Variants in GCC2 observed in about 807,000 individuals in gnomAD.
GCC2 encodes GRIP and coiled-coil domain containing 2.
GCC2 carries 120 observed loss-of-function variants against 210.6 expected under a neutral mutation model. The ratio of observed to expected loss-of-function variants is 0.57; its 90% CI spans 0.49 to 0.66. The LOEUF is 0.66. Among genes scored for constraint, GCC2 ranks in the 30% least tolerant of loss-of-function variants. The pLI is 0.00. For synonymous variants in GCC2, 703 were observed against 652.7 expected (o/e 1.08, Z -1.17); for missense variants, 1,868 against 1,871.9 (o/e 1.00, Z 0.04).
intron 4 of GCC2, among the ~76,000 whole-genome samples, chr2:108,459,889 C>T (rs145448423): frequency 0.01 from 1,538 of 151,632 alleles, 13 homozygotes; most frequent in Non-Finnish European, 0.013. Flanking sequence ...GAGATCACGC[C>T]GCTGCCAGGC....
chr2:108,504,883 C>T (rs1385500564), intron 22 of GCC2, among the ~76,000 whole-genome samples: 2 of 152,056 alleles, frequency 1.3e-5, no homozygotes, highest in Non-Finnish European at 2.9e-5. Context: ...GAAAAAAAAG[C>T]CCAGCAACCC....
At chr2:108,503,736 A>AT (rs1294624700) in intron 22 of GCC2, among the ~76,000 whole-genome samples, 1 of 152,168 alleles carries the variant, frequency 6.6e-6, no homozygotes, top group Non-Finnish European at 1.5e-5. Context: ...TTATAACAGT[A>AT]TTTTTCATTC....
rs542507103 is a variant in GCC2 at position 108,452,909 on chromosome 2, G to A, written c.216+443G>A. Among the ~76,000 whole-genome samples the A allele has an allele frequency of 7.6e-4, 116 of 152,066 alleles. 1 individual carries two copies. The highest frequency in any genetic ancestry group is 2.6e-3 in the African/African-American group (109 of 41,496). On this transcript the variant is annotated intron_variant, in intron 4 of 22. Transcript: ENST00000309863. ...GGATTTCACCATGTTGGCCAAGATGGTCTTGCTCTCTTGACCTCACGATCC... is the reference window on the plus strand; with the variant it reads ...GGATTTCACCATGTTGGCCAAGATGATCTTGCTCTCTTGACCTCACGATCC...
chr2:108,458,797 G>C (rs1180740472), intron 4 of GCC2, among the ~76,000 whole-genome samples: 1 of 151,666 alleles, frequency 6.6e-6, no homozygotes, highest in East Asian at 1.9e-4. Context: ...ATTTTATTTA[G>C]GTCTTCTTTT....
chr2:108,463,592 A>T (rs1431099597), intron 4 of GCC2, among the ~76,000 whole-genome samples: 1 of 152,112 alleles, frequency 6.6e-6, no homozygotes, highest in Non-Finnish European at 1.5e-5. Context: ...CAGTGGTGGT[A>T]GTTGTGGATT....
intron 9 of GCC2, among the ~76,000 whole-genome samples, chr2:108,478,301 A>G (rs1681650181): frequency 6.6e-6 from 1 of 152,226 alleles, no homozygotes; most frequent in Admixed American, 6.5e-5. Context: ...ATATAAACTT[A>G]CGTATAAAAA....
At chr2:108,475,465 TA>T in intron 7 of GCC2, 69 bp from the exon 8 acceptor site, 1 of 666,154 alleles carries the variant, frequency 1.5e-6, no homozygotes, top group Non-Finnish European at 2.4e-6. Flanking sequence ...AATCTAGGGC[TA>T]AAATAAGCAA....
In GCC2 at chr2:108,470,315, T is replaced by C. The variant is rs1380239386; in HGVS notation, c.986T>C (p.Val329Ala). The change falls in exon 6 of 23, where the codon GTA (valine) becomes GCA (alanine). Residue 329 changes from valine (V) to alanine (A), a missense_variant. Val to Ala is a moderately conservative substitution (Grantham distance 64). This residue lies in a region of GCC2 where 1,847 missense variants were observed against 1,765.2 expected (regional missense o/e 1.05). Transcript: ENST00000309863. ...CAAGAAAATACATTTGTAGAACAAG[T>C]AGTAAATGAAAAAGTCAAACACTTA... ...LLQENTFVEQ[V>A]VNEKVKHLED... 1 of 1,612,092 alleles carries C rather than the reference T, an allele frequency of 6.2e-7. No individual in the cohort carries two copies. Among genetic ancestry groups the C allele is most frequent in the Non-Finnish European group, 8.5e-7 (1 of 1,179,118 alleles).
At chr2:108,469,486 C>G in intron 5 of GCC2, 165 bp from the exon 6 acceptor site, 1 of 547,954 alleles carries the variant, frequency 1.8e-6, no homozygotes, top group East Asian at 3.0e-5. Flanking sequence ...TTTAGATAGG[C>G]AGCACCTAAG....
At chr2:108,480,257 T>A (rs907678547) in intron 9 of GCC2, among the ~76,000 whole-genome samples, 6 of 152,086 alleles carry the variant, frequency 3.9e-5, no homozygotes, top group Non-Finnish European at 7.4e-5. Context: ...GTCAAAAAAA[T>A]AACAGGTGCT....
In GCC2 at chr2:108,492,553, C is replaced by A. The variant is rs374638772; in HGVS notation, c.4230-20C>A. On this transcript the variant is annotated intron_variant, in intron 18 of 22. Transcript: ENST00000309863. ...TATAAAGTTGAAAGATCTTCTGTAA[C>A]TAAGTTTCTCATCTTTCAGATTGTG... The A allele has an allele frequency of 6.6e-7, 1 of 1,516,196 alleles. No homozygotes were observed. The highest frequency in any genetic ancestry group is 9.2e-7 in the Non-Finnish European group (1 of 1,091,376). 93.9% of individuals were successfully genotyped at this position (1,516,196 alleles called of 1,614,324 possible).
In GCC2 at chr2:108,487,960, G is replaced by A. The variant is rs1682231470; in HGVS notation, c.4052+140G>A. The A allele has an allele frequency of 8.8e-6, 7 of 798,458 alleles. No homozygotes were observed. The South Asian group carries it at 1.0e-4, about 12-fold the overall frequency. 49.5% of individuals were successfully genotyped at this position (798,458 alleles called of 1,614,324 possible). ...TCGCTCTTGTTGCCCAGGCTGGAGT[G>A]CAGTGGTGCAATCTCAGCTCACTGC... On this transcript the variant is annotated intron_variant, in intron 17 of 22. Coordinates refer to ENST00000309863, the MANE Select transcript of GCC2 (RefSeq NM_181453.4).
chr2:108,504,925 T>C (rs2104521275), intron 22 of GCC2, among the ~76,000 whole-genome samples: 1 of 152,280 alleles, frequency 6.6e-6, no homozygotes, highest in Non-Finnish European at 1.5e-5. Flanking sequence ...TGTTATAGGC[T>C]TTTTGATCAT....
rs1200948483 is a variant in GCC2, at chr2:108,470,588, A to G, written c.1259A>G (p.Glu420Gly). 1 of 1,607,292 alleles carries G rather than the reference A, an allele frequency of 6.2e-7. No homozygotes were observed. Among genetic ancestry groups the G allele is most frequent in the African/African-American group, 1.3e-5 (1 of 74,786 alleles). ...GLNKQFCYTV[E>G]QHNREVQSLK... Reference sequence around the variant, plus strand: ...AATAAACAGTTTTGCTATACTGTAGAACAGCATAACAGAGAAGTACAGAGT... The same window carrying G: ...AATAAACAGTTTTGCTATACTGTAGGACAGCATAACAGAGAAGTACAGAGT... Residue 420 changes from glutamate (E) to glycine (G), a missense_variant, in exon 6 of 23, where the codon GAA becomes GGA. By Grantham distance (98) the Glu-to-Gly change is moderately conservative (BLOSUM62 -2). Coordinates refer to ENST00000309863, the MANE Select transcript of GCC2 (RefSeq NM_181453.4).
At chr2:108,463,987 A>G (rs941147023) in intron 4 of GCC2, among the ~76,000 whole-genome samples, 7 of 152,014 alleles carry the variant, frequency 4.6e-5, no homozygotes, top group African/African-American at 1.7e-4. Context: ...GACAATACCT[A>G]GTCCCCTGGA....
At position 108,471,271 on chromosome 2, in the gene GCC2, T is replaced by A; in HGVS notation, c.1942T>A (p.Leu648Ile). The A allele has an allele frequency of 6.2e-7, 1 of 1,609,698 alleles. No homozygotes were observed. The highest frequency in any genetic ancestry group is 8.5e-7 in the Non-Finnish European group (1 of 1,178,596). Residue 648 changes from leucine to isoleucine, a missense_variant, in exon 6 of 23, where the codon TTA becomes ATA. Around this residue, in one of 3 missense-constraint regions of GCC2, gnomAD observed 1,847 missense variants for 1,765.2 expected, o/e 1.05. Transcript: ENST00000309863. ...NSELEQKVNE[L>I]TGGLEETLKE... ...TGAACTAGAACAAAAGGTAAATGAATTAACAGGAGGACTAGAGGAGACTTT... is the reference window on the plus strand; with the variant it reads ...TGAACTAGAACAAAAGGTAAATGAAATAACAGGAGGACTAGAGGAGACTTT...
rs1681053828 is a variant in GCC2, at chr2:108,469,124, ATATAG to A, written c.321+42_321+46del. The stretch of plus-strand genomic sequence containing the variant: ...TAGTGTTCTTTTCTTTTTTATTAAC[ATATAG>A]TGTAGTCATTAATTTTAGAGGTAAG... On this transcript the variant is annotated intron_variant, in intron 5 of 22. Coordinates refer to ENST00000309863, the MANE Select transcript of GCC2 (RefSeq NM_181453.4). 3 of 1,186,996 alleles carry A rather than the reference ATATAG, an allele frequency of 2.5e-6. No homozygotes were observed. In the South Asian group the frequency reaches 3.7e-5, roughly 15 times the overall value. The allele number at this position is 1,186,996 out of a possible 1,614,324, so 73.5% of individuals were successfully genotyped here. A position where few individuals can be genotyped will look rare whatever the true frequency, so the allele number is the denominator to read the frequency against.
intron 19 of GCC2, among the ~76,000 whole-genome samples, chr2:108,493,073 C>A (rs1222489399): frequency 6.6e-6 from 1 of 152,158 alleles, no homozygotes; most frequent in Non-Finnish European, 1.5e-5. Context: ...CTGACTTAAA[C>A]ATCCTCTGTC....
chr2:108,463,072 G>T (rs1053623991), intron 4 of GCC2, among the ~76,000 whole-genome samples: 2 of 151,692 alleles, frequency 1.3e-5, no homozygotes, highest in African/African-American at 4.8e-5. Flanking sequence ...CTATTCTCTG[G>T]TAAATTTGTC....
Sources: gnomAD v4.1 joint callset for allele counts (sites outside exome capture counted in the v4.1 genomes callset) on GRCh38, gnomAD v4.1.1 for gene constraint, gnomAD v4.1.1 regional missense constraint, MANE v1.5 for transcripts, NCBI Gene and HGNC (gene_info 2026-07-23, HGNC 2026-07-21) for gene names.